The following LOXHD1 variants were observed in gnomAD, a reference collection of about 807,000 sequenced individuals.
The protein encoded by LOXHD1 is lipoxygenase homology domain-containing protein 1.
Under a neutral mutation model 248.2 loss-of-function variants are expected in LOXHD1, and 205 were observed. That is an observed-to-expected ratio of 0.83 (90% CI 0.74 to 0.93). The LOEUF is 0.93. Among genes scored for constraint, LOXHD1 ranks in the 40% least tolerant of loss-of-function variants. The pLI is 0.00. For missense variants in LOXHD1, 2,930 were observed against 2,971.6 expected, an observed-to-expected ratio of 0.99 and a Z score of 0.33; for synonymous variants, 1,113 against 1,162.8, an observed-to-expected ratio of 0.96 and a Z score of 0.87.
At chr18:46,600,667 A>G (rs2038322253) in intron 8 of LOXHD1, among the ~76,000 whole-genome samples, 1 of 152,100 alleles carries the variant, frequency 6.6e-6, no homozygotes, top group African/African-American at 2.4e-5. Flanking sequence ...TACAAACAAT[A>G]CAAGCTTATA....
chr18:46,557,147 C>G (rs1171579301), intron 21 of LOXHD1, among the ~76,000 whole-genome samples: 4 of 149,542 alleles, frequency 2.7e-5, no homozygotes, highest in African/African-American at 9.9e-5. Flanking sequence ...ACCCTCATAC[C>G]CGCCCACCCT....
intron 32 of LOXHD1, 132 bp from the exon 33 acceptor site, chr18:46,521,414 G>A: frequency 1.0e-6 from 1 of 1,003,608 alleles, no homozygotes; most frequent in Admixed American, 2.1e-5. Flanking sequence ...CTCCCATGAA[G>A]GTGAAGAGAT....
chr18:46,619,729 G>A (rs544176590), intron 4 of LOXHD1, among the ~76,000 whole-genome samples: 2 of 152,366 alleles, frequency 1.3e-5, no homozygotes, highest in South Asian at 4.1e-4. Flanking sequence ...GAGCCCCACA[G>A]AGGACAGCCC....
intron 35 of LOXHD1, 162 bp downstream of exon 35, chr18:46,509,536 T>C (rs2034815165): frequency 4.3e-6 from 3 of 689,688 alleles, no homozygotes; most frequent in Non-Finnish European, 8.1e-6. Context: ...CATTCTCTGA[T>C]TAATTCATGC....
At chr18:46,637,361 G>A (rs987116829) in intron 4 of LOXHD1, among the ~76,000 whole-genome samples, 5 of 152,146 alleles carry the variant, frequency 3.3e-5, no homozygotes, top group African/African-American at 1.2e-4. Flanking sequence ...AAGAACCACT[G>A]AGTTACATGA....
intron 21 of LOXHD1, among the ~76,000 whole-genome samples, chr18:46,550,578 T>TGAAAAAA (rs1568173687): frequency 6.1e-5 from 1 of 16,290 alleles, no homozygotes; most frequent in Non-Finnish European, 2.3e-4. Flanking sequence ...AGACTCCGTC[T>TGAAAAAA]CAAAAAAAAA....
Position 46,477,972 on chromosome 18 carries a change from G to A in LOXHD1, c.6342-20C>T. 1 of 1,541,882 alleles carries A rather than the reference G, an allele frequency of 6.5e-7. No homozygotes were observed. On this transcript the variant is annotated intron_variant, in intron 40 of 40. Transcript: ENST00000642948. Reference sequence around the variant, plus strand: ...AAGTACCTGGCAGAGAGGTGGGAGAGTGGAGGGGTAGGGGCTAAGCAGACC... The same window carrying A: ...AAGTACCTGGCAGAGAGGTGGGAGAATGGAGGGGTAGGGGCTAAGCAGACC...
chr18:46,547,072 T>C lies in LOXHD1; in HGVS notation c.3351-14A>G, dbSNP rs955806062. On this transcript the variant is annotated splice_polypyrimidine_tract_variant and intron_variant, in intron 21 of 40. Transcript: ENST00000642948. ...GGAAAGTAGTACCTGTGGGGGTGGA[T>C]AGGGAAAGATTGGAATGTCCTCTTA... 7.7e-6 allele frequency: 12 copies of C among 1,551,454 alleles called. No individual in the cohort carries two copies. The South Asian group carries it at 9.5e-5, about 12-fold the overall frequency.
At chr18:46,538,529 C>A (rs183883624) in intron 25 of LOXHD1, among the ~76,000 whole-genome samples, 192 bp from the exon 26 acceptor site, 34 of 152,254 alleles carry the variant, frequency 2.2e-4, no homozygotes, top group African/African-American at 7.2e-4. Flanking sequence ...TCCTGTCCTG[C>A]CCCGCCCCCA....
In LOXHD1 at chr18:46,509,752, C is replaced by A; in HGVS notation, c.5463G>T (p.Lys1821Asn). 6.4e-7 allele frequency: 1 copy of A among 1,551,300 alleles called. No individual in the cohort carries two copies. The highest frequency in any genetic ancestry group is 8.7e-7 in the Non-Finnish European group (1 of 1,146,888). ...MEILDIAPFT[K>N]MRIRIDGLGS... ...CCAGGCCATCAATCCGGATCCGCATCTTGGTGAATGGAGCAATGTCTAGGA... is the reference window on the plus strand; with the variant it reads ...CCAGGCCATCAATCCGGATCCGCATATTGGTGAATGGAGCAATGTCTAGGA... The change falls in exon 35 of 41, where the codon AAG (lysine) becomes AAT (asparagine). Residue 1821 changes from lysine (K) to asparagine (N), a missense_variant. Coordinates refer to ENST00000642948, the MANE Select transcript of LOXHD1 (RefSeq NM_001384474.1).
rs2038616914 is a variant in LOXHD1 at position 46,618,226 on chromosome 18, G to A, written c.576C>T (p.Val192=). The change falls in exon 5 of 41, where the codon GTC becomes GTT. Residue 192 remains valine, a synonymous_variant. Coordinates refer to ENST00000642948, the MANE Select transcript of LOXHD1 (RefSeq NM_001384474.1). ...CATACTCTCCAAAAATATTGATGAA[G>A]ACATCAGCATCTGTCCCTGCACCAA... ...DVIGAGTDAD[V]FINIFGEYGD... 4 of 1,551,120 alleles carry A rather than the reference G, an allele frequency of 2.6e-6. No homozygotes were observed. The highest frequency in any genetic ancestry group is 2.0e-5 in the Admixed American group (1 of 50,962).
At chr18:46,579,530 G>C in intron 13 of LOXHD1, 100 bp downstream of exon 13, 1 of 1,476,362 alleles carries the variant, frequency 6.8e-7, no homozygotes, top group Non-Finnish European at 9.2e-7. Context: ...GAGGCCCCAG[G>C]ACCAGCATCA....
chr18:46,613,903 C>G (rs905673141), intron 5 of LOXHD1, among the ~76,000 whole-genome samples: 2 of 152,268 alleles, frequency 1.3e-5, no homozygotes, highest in African/African-American at 4.8e-5. Flanking sequence ...TGTCACATAT[C>G]TATATATTTA....
chr18:46,578,492 C>T (rs1414072606), intron 13 of LOXHD1, among the ~76,000 whole-genome samples: 2 of 152,170 alleles, frequency 1.3e-5, no homozygotes, highest in South Asian at 2.1e-4. Context: ...GTAAAGGCAT[C>T]GCTACCTCCT....
intron 36 of LOXHD1, among the ~76,000 whole-genome samples, chr18:46,506,528 A>G (rs929679621): frequency 7.2e-5 from 11 of 152,234 alleles, no homozygotes; most frequent in African/African-American, 2.7e-4. Flanking sequence ...GGGGTGACCC[A>G]GTGAAGCTTT....
intron 35 of LOXHD1, among the ~76,000 whole-genome samples, chr18:46,509,103 C>T (rs190454838): frequency 1.1e-3 from 160 of 152,204 alleles, no homozygotes; most frequent in South Asian, 7.5e-3. Flanking sequence ...CTGGGAAAAG[C>T]GGGAGGATGG....
intron 39 of LOXHD1, among the ~76,000 whole-genome samples, chr18:46,484,051 C>A (rs181090420): frequency 6.6e-6 from 1 of 152,014 alleles, no homozygotes; most frequent in African/African-American, 2.4e-5. Context: ...AGGGAAGAGT[C>A]CCCTGTAACA....
Position 46,560,504 on chromosome 18 carries a change from G to A in LOXHD1, c.2640C>T (p.Leu880=), listed in dbSNP as rs374614343. The A allele has an allele frequency of 3.3e-5, 50 of 1,537,150 alleles. No homozygotes were observed. In the African/African-American group the frequency reaches 4.6e-4, roughly 14 times the overall value. ...GCCCAAAGCCCTCGCCCGTGTGCCCGAGCCGGAGCTTATAGACCTCGCCCA... is the reference window on the plus strand; with the variant it reads ...GCCCAAAGCCCTCGCCCGTGTGCCCAAGCCGGAGCTTATAGACCTCGCCCA... ...ADVGEVYKLR[L]GHTGEGFGPS... Residue 880 remains leucine (L), a synonymous_variant, in exon 19 of 41, where the codon CTC becomes CTT. Coordinates refer to ENST00000642948, the MANE Select transcript of LOXHD1 (RefSeq NM_001384474.1).
At chr18:46,564,091 AGAGTGT>A (rs901269351) in intron 17 of LOXHD1, among the ~76,000 whole-genome samples, 10 of 145,252 alleles carry the variant, frequency 6.9e-5, no homozygotes, top group African/African-American at 1.8e-4. Flanking sequence ...GGGGAGAGAG[AGAGTGT>A]GTGTGTGTGT....
Sources: allele counts gnomAD v4.1 joint callset (sites outside exome capture counted in the v4.1 genomes callset), GRCh38; gene constraint gnomAD v4.1.1; transcripts MANE v1.5; gene names NCBI Gene and HGNC (gene_info 2026-07-23, HGNC 2026-07-21).